The following NXPH1 variants were observed in gnomAD, a reference collection of about 807,000 sequenced individuals.
NXPH1 encodes the protein neurexophilin 1.
Under a neutral mutation model 23.7 loss-of-function variants are expected in NXPH1, and 5 were observed. The observed-to-expected ratio is 0.21, with a 90% CI of 0.11 to 0.44. The LOEUF (loss-of-function observed/expected upper bound fraction) is 0.44, where lower values mean the gene tolerates loss of function less well. Ranked by LOEUF, NXPH1 falls within the 20% of genes least tolerant of loss-of-function variation. The probability of loss-of-function intolerance (pLI) is 0.99; values close to 1 mark genes in which losing one functional copy is unlikely to be tolerated. For synonymous variants in NXPH1, 144 were observed against 122.2 expected, an observed-to-expected ratio of 1.18 and a Z score of -1.18; for missense variants, 324 against 321.6, an observed-to-expected ratio of 1.01 and a Z score of -0.06.
intron 2 of NXPH1, among the ~76,000 whole-genome samples, chr7:8,704,715 T>C (rs909680564): frequency 1.3e-5 from 2 of 151,652 alleles, no homozygotes; most frequent in Admixed American, 1.3e-4. Flanking sequence ...TAAAAGCAAA[T>C]ATATAAACAC....
At chr7:8,695,280 G>T (rs991594671) in intron 2 of NXPH1, among the ~76,000 whole-genome samples, 1 of 152,132 alleles carries the variant, frequency 6.6e-6, no homozygotes, top group African/African-American at 2.4e-5. Context: ...AAGAGTTAGG[G>T]TTATCTTCAT....
At chr7:8,585,457 A>G (rs1818960791) in intron 2 of NXPH1, among the ~76,000 whole-genome samples, 1 of 152,220 alleles carries the variant, frequency 6.6e-6, no homozygotes, top group African/African-American at 2.4e-5. Flanking sequence ...GTAACTTGAT[A>G]TAATCATTCA....
At chr7:8,650,759 A>AC (rs1820477791) in intron 2 of NXPH1, among the ~76,000 whole-genome samples, 1 of 152,180 alleles carries the variant, frequency 6.6e-6, no homozygotes, top group Non-Finnish European at 1.5e-5. Flanking sequence ...CAATGACTGG[A>AC]AAAAGTGAAA....
At chr7:8,614,975 G>A (rs1254197008) in intron 2 of NXPH1, among the ~76,000 whole-genome samples, 1 of 152,006 alleles carries the variant, frequency 6.6e-6, no homozygotes, top group Non-Finnish European at 1.5e-5. Flanking sequence ...ATTCTGTTTT[G>A]TATTTTAATT....
intron 2 of NXPH1, among the ~76,000 whole-genome samples, chr7:8,706,718 C>G (rs895532868): frequency 2.0e-5 from 3 of 152,124 alleles, no homozygotes; most frequent in African/African-American, 7.2e-5. Context: ...CGAATATTCC[C>G]TTACCAAGAC....
chr7:8,470,141 A>C (rs193015087), intron 2 of NXPH1, among the ~76,000 whole-genome samples: 33 of 152,282 alleles, frequency 2.2e-4, no homozygotes, highest in Admixed American at 1.6e-3. Context: ...AGTTTAGCTT[A>C]AGCATCTAGA....
chr7:8,637,658 T>A (rs76499964), intron 2 of NXPH1, among the ~76,000 whole-genome samples: 7,890 of 152,296 alleles, frequency 0.052, 419 homozygotes, highest in East Asian at 0.17. Flanking sequence ...ATTTTTGTTT[T>A]GATTCAGAAA....
intron 2 of NXPH1, among the ~76,000 whole-genome samples, chr7:8,748,562 C>T (rs1383056923): frequency 2.0e-5 from 3 of 152,202 alleles, no homozygotes; most frequent in Non-Finnish European, 4.4e-5. Flanking sequence ...AGTCCAGAGA[C>T]TGATTCTCCA....
intron 2 of NXPH1, among the ~76,000 whole-genome samples, chr7:8,518,572 G>A (rs756613528): frequency 3.3e-5 from 5 of 151,898 alleles, no homozygotes; most frequent in African/African-American, 7.3e-5. Flanking sequence ...CTGTAACCTC[G>A]AACTCCTGGG....
intron 2 of NXPH1, among the ~76,000 whole-genome samples, chr7:8,585,863 G>C (rs1256997711): frequency 1.3e-5 from 2 of 152,092 alleles, no homozygotes; most frequent in Non-Finnish European, 2.9e-5. Context: ...TTATCGGGAG[G>C]GCTTTATTGA....
At chr7:8,693,461 A>G (rs1821254062) in intron 2 of NXPH1, among the ~76,000 whole-genome samples, 1 of 152,224 alleles carries the variant, frequency 6.6e-6, no homozygotes, top group Non-Finnish European at 1.5e-5. Context: ...ACATTTAATG[A>G]GATGGCTGTA....
At chr7:8,739,190 A>AAAAAC in intron 2 of NXPH1, among the ~76,000 whole-genome samples, 1 of 150,418 alleles carries the variant, frequency 6.6e-6, no homozygotes, top group South Asian at 2.1e-4. Flanking sequence ...AAAAAAAAAA[A>AAAAAC]AAAAAAAAAA....
intron 2 of NXPH1, among the ~76,000 whole-genome samples, chr7:8,716,222 CT>C (rs1173046092): frequency 6.6e-6 from 1 of 152,152 alleles, no homozygotes; most frequent in African/African-American, 2.4e-5. Flanking sequence ...ACATCTTACT[CT>C]TTTTTATATT....
At chr7:8,493,365 C>T (rs545066728) in intron 2 of NXPH1, among the ~76,000 whole-genome samples, 2 of 151,978 alleles carry the variant, frequency 1.3e-5, no homozygotes, top group South Asian at 2.1e-4. Context: ...CTCAGTACTT[C>T]GCTGGCATAG....
chr7:8,599,527 C>T (rs1387469465), intron 2 of NXPH1, among the ~76,000 whole-genome samples: 1 of 152,108 alleles, frequency 6.6e-6, no homozygotes, highest in Non-Finnish European at 1.5e-5. Flanking sequence ...CCTATGTCTG[C>T]CATTTCATGT....
chr7:8,667,206 A>G lies in NXPH1; in HGVS notation c.55-83802A>G, dbSNP rs111452527. Among the ~76,000 whole-genome samples the G allele has an allele frequency of 8.2e-3, 1,244 of 152,160 alleles. 19 individuals are homozygous for G. The highest frequency in any genetic ancestry group is 0.028 in the African/African-American group (1,159 of 41,536). ...TTTGCATTTTACTCTTTATACAAGG[A>G]TATGTGATAATTAGCCATTACATTA... On this transcript the variant is annotated intron_variant, in intron 2 of 2. Transcript: ENST00000405863.
rs183343915 is a variant in NXPH1, at chr7:8,454,027, C to T, written c.54+18260C>T. On this transcript the variant is annotated intron_variant, in intron 2 of 2. Coordinates refer to ENST00000405863, the MANE Select transcript of NXPH1 (RefSeq NM_152745.3). Reference sequence around the variant, plus strand: ...TACTACATGTTTGCACTCATAAGTGCGAGCTAAATGATGAGAACACATGGA... The same window carrying T: ...TACTACATGTTTGCACTCATAAGTGTGAGCTAAATGATGAGAACACATGGA... Among the ~76,000 whole-genome samples the T allele has an allele frequency of 1.2e-3, 188 of 152,032 alleles. 2 individuals are homozygous for T. Among genetic ancestry groups the T allele is most frequent in the African/African-American group, 4.3e-3 (178 of 41,478 alleles).
At chr7:8,557,969 A>T (rs777437391) in intron 2 of NXPH1, among the ~76,000 whole-genome samples, 4 of 151,618 alleles carry the variant, frequency 2.6e-5, no homozygotes, top group Non-Finnish European at 4.4e-5. Flanking sequence ...TTCTATGTAG[A>T]CCATTATCCT....
chr7:8,456,506 G>T (rs1364298052), intron 2 of NXPH1, among the ~76,000 whole-genome samples: 1 of 152,156 alleles, frequency 6.6e-6, no homozygotes, highest in Non-Finnish European at 1.5e-5. Context: ...GAATGGAATT[G>T]CAGGTTTAAG....
Sources: allele counts gnomAD v4.1 joint callset (sites outside exome capture counted in the v4.1 genomes callset), GRCh38; gene constraint gnomAD v4.1.1; transcripts MANE v1.5; gene names NCBI Gene and HGNC (gene_info 2026-07-23, HGNC 2026-07-21).